CDH6: variants seen among roughly 807,000 people sequenced by gnomAD.
CDH6 encodes cadherin 6.
A neutral mutation model predicts 78.0 loss-of-function variants in CDH6; 31 were observed. The observed-to-expected ratio is 0.40, with a 90% CI of 0.30 to 0.54. The LOEUF is 0.54. Among genes scored for constraint, CDH6 ranks in the 20% least tolerant of loss-of-function variants. The probability of loss-of-function intolerance (pLI) is 0.56; values close to 1 mark genes in which losing one functional copy is unlikely to be tolerated. For missense variants in CDH6, 724 were observed against 975.9 expected (o/e 0.74, Z 3.44); for synonymous variants, 376 against 368.8 (o/e 1.02, Z -0.23).
At chr5:31,301,755 T>A (rs1369609952) in intron 5 of CDH6, among the ~76,000 whole-genome samples, 1 of 152,206 alleles carries the variant, frequency 6.6e-6, no homozygotes, top group Admixed American at 6.5e-5. Flanking sequence ...GCAGTTCAGA[T>A]TAAATTCTTC....
chr5:31,276,542 C>T (rs769267285), intron 2 of CDH6, among the ~76,000 whole-genome samples: 1 of 152,162 alleles, frequency 6.6e-6, no homozygotes, highest in Non-Finnish European at 1.5e-5. Context: ...TGAAATATCA[C>T]TCTGAATATG....
Position 31,322,925 on chromosome 5 carries a change from G to A in CDH6, c.1990G>A (p.Gly664Ser). ...DNIVSYNDEG[G>S]GEEDTQAFDI... ...CATTGTCAGTTACAACGACGAAGGT[G>A]GTGGAGAGGAGGACACCCAGGCTTT... is the stretch of plus-strand genomic sequence containing the variant. Residue 664 changes from glycine to serine, a missense_variant, in exon 12 of 12, where the codon GGT becomes AGT. Gly to Ser is a moderately conservative substitution (Grantham distance 56, BLOSUM62 0). Transcript: ENST00000265071. 6.2e-7 allele frequency: 1 copy of A among 1,614,176 alleles called. No individual in the cohort carries two copies.
chr5:31,327,335 A>G lies in CDH6; in HGVS notation c.*4027A>G, dbSNP rs77451741. The stretch of plus-strand genomic sequence containing the variant: ...CCAGGAACAGACCACCAAATAAATT[A>G]TTTTATCCTAATAACTAGTTTTGAA... On this transcript the variant is annotated 3_prime_UTR_variant, in exon 12 of 12. Transcript: ENST00000265071. 5.1e-3 allele frequency: 972 copies of G among 192,036 alleles called. 5 individuals carry two copies. The highest frequency in any genetic ancestry group is 8.7e-3 in the Non-Finnish European group (801 of 91,826). The allele number at this position is 192,036 out of a possible 1,614,324, so 11.9% of individuals were successfully genotyped here.
intron 1 of CDH6, among the ~76,000 whole-genome samples, chr5:31,202,586 A>G (rs1229016023): frequency 6.6e-6 from 1 of 152,052 alleles, no homozygotes; most frequent in Non-Finnish European, 1.5e-5. Flanking sequence ...CAGTGAGCCC[A>G]GATCACGCCA....
intron 1 of CDH6, among the ~76,000 whole-genome samples, chr5:31,255,709 G>A (rs1187696341): frequency 1.3e-5 from 2 of 152,126 alleles, no homozygotes; most frequent in Non-Finnish European, 2.9e-5. Context: ...TAGTCTCAGG[G>A]AAGAAACCTT....
intron 1 of CDH6, among the ~76,000 whole-genome samples, chr5:31,218,455 C>T (rs907174931): frequency 1.3e-5 from 2 of 152,080 alleles, no homozygotes; most frequent in African/African-American, 2.4e-5. Flanking sequence ...TGAGAAAGCA[C>T]AGGGGTTTTT....
intron 1 of CDH6, among the ~76,000 whole-genome samples, chr5:31,247,172 G>A (rs189505626): frequency 4.7e-4 from 72 of 152,224 alleles, no homozygotes; most frequent in African/African-American, 1.7e-3. Flanking sequence ...AAAAGTTATC[G>A]ATGATCAAGA....
intron 1 of CDH6, chr5:31,249,625 A>G (rs1426763438): frequency 6.6e-6 from 1 of 152,290 alleles, no homozygotes; most frequent in Non-Finnish European, 1.5e-5. Flanking sequence ...AAGGGCTGTA[A>G]GAAATGAAAA....
chr5:31,271,122 A>T (rs920488542), intron 2 of CDH6, among the ~76,000 whole-genome samples: 1 of 152,214 alleles, frequency 6.6e-6, no homozygotes, highest in African/African-American at 2.4e-5. Flanking sequence ...AATGCTGTTG[A>T]GAAAATAACA....
chr5:31,249,404 C>T (rs1392380079), intron 1 of CDH6: 1 of 152,172 alleles, frequency 6.6e-6, no homozygotes, highest in Non-Finnish European at 1.5e-5. Context: ...TTCCACTGAC[C>T]TCAATCAACT....
chr5:31,312,508 G>A (rs532439539), intron 7 of CDH6, among the ~76,000 whole-genome samples: 167 of 152,268 alleles, frequency 1.1e-3, no homozygotes, highest in Middle Eastern at 3.4e-3. Flanking sequence ...AGACCAGCCC[G>A]GGCAAAATGG....
rs1377155287 is a variant in CDH6 at position 31,328,900 on chromosome 5, A to G, written c.*5592A>G. On this transcript the variant is annotated 3_prime_UTR_variant, in exon 12 of 12. Coordinates refer to ENST00000265071, the MANE Select transcript of CDH6 (RefSeq NM_004932.4). The stretch of plus-strand genomic sequence containing the variant: ...TTTACCTGAGAAAGTTTTCTGTGTT[A>G]GAAGAATGGGGTCGAGAGTATTACC... The G allele has an allele frequency of 4.5e-6, 1 of 220,436 alleles. No homozygotes were observed. The highest frequency in any genetic ancestry group is 9.1e-6 in the Non-Finnish European group (1 of 110,076). The allele number at this position is 220,436 out of a possible 1,614,324, so 13.7% of individuals were successfully genotyped here. A position where few individuals can be genotyped will look rare whatever the true frequency, so the allele number is the denominator to read the frequency against.
intron 1 of CDH6, among the ~76,000 whole-genome samples, chr5:31,262,479 A>T (rs1742236446): frequency 6.6e-6 from 1 of 152,210 alleles, no homozygotes; most frequent in Non-Finnish European, 1.5e-5. Flanking sequence ...TCCCAACAAA[A>T]AGAAAAGAAG....
chr5:31,221,907 C>A (rs559093843), intron 1 of CDH6, among the ~76,000 whole-genome samples: 1 of 151,726 alleles, frequency 6.6e-6, no homozygotes, highest in South Asian at 2.1e-4. Context: ...TTTTCACTTG[C>A]AAAAGTGGGG....
At chr5:31,260,234 T>C (rs921523702) in intron 1 of CDH6, among the ~76,000 whole-genome samples, 1 of 152,204 alleles carries the variant, frequency 6.6e-6, no homozygotes, top group African/African-American at 2.4e-5. Flanking sequence ...AGGTAGGTAC[T>C]ATTAATGTCA....
intron 1 of CDH6, among the ~76,000 whole-genome samples, chr5:31,236,124 T>C (rs1741448767): frequency 6.6e-6 from 1 of 152,226 alleles, no homozygotes; most frequent in African/African-American, 2.4e-5. Flanking sequence ...TAAATTTTTA[T>C]TAATGGTGTA....
At chr5:31,320,445 A>C (rs1470642251) in intron 11 of CDH6, among the ~76,000 whole-genome samples, 2 of 152,198 alleles carry the variant, frequency 1.3e-5, no homozygotes, top group Non-Finnish European at 2.9e-5. Context: ...CCCTTGCCTT[A>C]CGTGACTGAA....
chr5:31,220,543 T>C (rs1269861291), intron 1 of CDH6, among the ~76,000 whole-genome samples: 2 of 152,048 alleles, frequency 1.3e-5, no homozygotes, highest in East Asian at 3.9e-4. Context: ...TAAGTATACA[T>C]AGGTGAATAA....
chr5:31,326,683 T>A lies in CDH6; in HGVS notation c.*3375T>A. 1 of 116,602 alleles carries A rather than the reference T, an allele frequency of 8.6e-6. No individual in the cohort carries two copies. The highest frequency in any genetic ancestry group is 1.7e-4 in the East Asian group (1 of 5,724). 7.2% of individuals were successfully genotyped at this position (116,602 alleles called of 1,614,324 possible). On this transcript the variant is annotated 3_prime_UTR_variant, in exon 12 of 12. Transcript: ENST00000265071. ...AGAGTTGTGCAGAAAATCTTAAAAT[T>A]TTTTTTTTTTTTTTTTTTTTTTTTT...
Sources: allele counts gnomAD v4.1 joint callset (sites outside exome capture counted in the v4.1 genomes callset), GRCh38; gene constraint gnomAD v4.1.1; transcripts MANE v1.5; gene names NCBI Gene and HGNC (gene_info 2026-07-23, HGNC 2026-07-21).